The following PDZD2 variants were observed in gnomAD, a reference collection of about 807,000 sequenced individuals.
PDZD2 encodes PDZ domain containing 2.
In PDZD2, 90 loss-of-function variants were observed where a neutral mutation model predicts 220.7. The ratio of observed to expected loss-of-function variants is 0.41; its 90% CI spans 0.34 to 0.49. The LOEUF (loss-of-function observed/expected upper bound fraction) is 0.49. Among genes scored for constraint, PDZD2 ranks in the 20% least tolerant of loss-of-function variants. The pLI, the probability that PDZD2 is intolerant of heterozygous loss-of-function variation, is 0.28. For missense variants in PDZD2, 3,174 were observed against 3,608.5 expected, an observed-to-expected ratio of 0.88 and a Z score of 3.08; for synonymous variants, 1,375 against 1,450.5, an observed-to-expected ratio of 0.95 and a Z score of 1.18.
intron 2 of PDZD2, among the ~76,000 whole-genome samples, chr5:31,904,785 T>C (rs1177444595): frequency 6.6e-6 from 1 of 151,910 alleles, no homozygotes; most frequent in Non-Finnish European, 1.5e-5. Flanking sequence ...TGGTGAATAT[T>C]ATTGGAAAGG....
intron 2 of PDZD2, among the ~76,000 whole-genome samples, chr5:31,886,709 T>TC (rs1740521888): frequency 6.6e-6 from 1 of 151,578 alleles, no homozygotes; most frequent in Admixed American, 6.6e-5. Flanking sequence ...TCTCTTTTTT[T>TC]TTTTTTGAGA....
chr5:31,815,823 T>A (rs1213933361), intron 2 of PDZD2, among the ~76,000 whole-genome samples: 3 of 151,812 alleles, frequency 2.0e-5, no homozygotes, highest in African/African-American at 4.8e-5. Flanking sequence ...GTAAATAAAT[T>A]TTTTTTTTAA....
intron 19 of PDZD2, among the ~76,000 whole-genome samples, chr5:32,085,904 A>G (rs1318665719): frequency 6.6e-6 from 1 of 150,712 alleles, no homozygotes; most frequent in East Asian, 1.9e-4. Flanking sequence ...TTTTGGTAGG[A>G]ATTGTACCGA....
intron 1 of PDZD2, among the ~76,000 whole-genome samples, chr5:31,769,521 G>A (rs1158269441): frequency 1.3e-5 from 2 of 152,192 alleles, no homozygotes; most frequent in African/African-American, 4.8e-5. Context: ...TAAAAATAGT[G>A]GAGGAAAGTC....
intron 2 of PDZD2, among the ~76,000 whole-genome samples, chr5:31,885,386 T>C (rs1740368643): frequency 6.6e-6 from 1 of 152,168 alleles, no homozygotes; most frequent in South Asian, 2.1e-4. Flanking sequence ...ACAGGTATTT[T>C]GTCATCTGTT....
intron 2 of PDZD2, among the ~76,000 whole-genome samples, chr5:31,849,859 C>CATATATATATACATATAT (rs1400896246): frequency 1.1e-5 from 1 of 91,462 alleles, no homozygotes; most frequent in Non-Finnish European, 1.9e-5. Context: ...CTCTCTCTCT[C>CATATATATATACATATAT]ATATATATAT....
Position 32,074,932 on chromosome 5 carries a change from T to C in PDZD2, c.3537+289T>C, listed in dbSNP as rs373162308. Among the ~76,000 whole-genome samples, 18 of 152,074 alleles carry C rather than the reference T, an allele frequency of 1.2e-4. No homozygotes were observed. The East Asian group carries it at 2.1e-3, about 18-fold the overall frequency. Reference sequence around the variant, plus strand: ...TTCAAGCGATTGTCCTGTCTCAGCCTCCCGAGGAGCTGGGACTACAGGCGC... The same window carrying C: ...TTCAAGCGATTGTCCTGTCTCAGCCCCCCGAGGAGCTGGGACTACAGGCGC... On this transcript the variant is annotated intron_variant, in intron 18 of 24. Coordinates refer to ENST00000438447, the MANE Select transcript of PDZD2 (RefSeq NM_178140.4).
chr5:31,816,138 A>C (rs975086740), intron 2 of PDZD2, among the ~76,000 whole-genome samples: 1 of 151,998 alleles, frequency 6.6e-6, no homozygotes, highest in South Asian at 2.1e-4. Context: ...AATACAAAAA[A>C]TTAGCTGGGC....
chr5:31,822,639 C>T, intron 2 of PDZD2: 1 of 1,329,656 alleles, frequency 7.5e-7, no homozygotes, highest in Admixed American at 1.8e-5. Flanking sequence ...TTGTTTTTAA[C>T]CTTGTGGCTT....
intron 1 of PDZD2, among the ~76,000 whole-genome samples, chr5:31,712,825 C>T (rs1355621976): frequency 1.3e-5 from 2 of 152,076 alleles, no homozygotes; most frequent in Admixed American, 6.5e-5. Flanking sequence ...AGCCTGGGGT[C>T]GCGTTAAGGG....
At chr5:32,096,867 ACT>A (rs1340792151) in intron 21 of PDZD2, among the ~76,000 whole-genome samples, 2 of 112,180 alleles carry the variant, frequency 1.8e-5, no homozygotes, top group Non-Finnish European at 3.4e-5. Context: ...ACAAGGTCTC[ACT>A]CTGTCAACCA....
chr5:31,995,462 T>G, intron 3 of PDZD2, 114 bp from the exon 4 acceptor site: 11 of 1,068,724 alleles, frequency 1.0e-5, no homozygotes, highest in Non-Finnish European at 1.3e-5. Flanking sequence ...TGATAATCTG[T>G]GATATCTGTG....
At chr5:31,761,460 A>G (rs566461756) in intron 1 of PDZD2, among the ~76,000 whole-genome samples, 1 of 152,032 alleles carries the variant, frequency 6.6e-6, no homozygotes, top group South Asian at 2.1e-4. Flanking sequence ...AGAAATTTGA[A>G]TAATTAGGAG....
intron 1 of PDZD2, among the ~76,000 whole-genome samples, chr5:31,759,420 G>C (rs1447138867): frequency 2.0e-5 from 3 of 152,102 alleles, no homozygotes; most frequent in African/African-American, 7.2e-5. Flanking sequence ...GTAGTCAGAG[G>C]CCAACATGTG....
Position 32,061,151 on chromosome 5 carries a change from T to G in PDZD2, c.2451+17T>G. On this transcript the variant is annotated intron_variant, in intron 14 of 24. Coordinates refer to ENST00000438447, the MANE Select transcript of PDZD2 (RefSeq NM_178140.4). The stretch of plus-strand genomic sequence containing the variant: ...AATCCAAAGGTGAGGTGGTCCACCC[T>G]CTTCTGAACGTGGGAAGATGATACA... 1.9e-6 allele frequency: 3 copies of G among 1,613,416 alleles called. No individual in the cohort carries two copies. The highest frequency in any genetic ancestry group is 2.5e-6 in the Non-Finnish European group (3 of 1,179,384).
At chr5:31,791,841 G>A (rs934558650) in intron 1 of PDZD2, among the ~76,000 whole-genome samples, 2 of 152,090 alleles carry the variant, frequency 1.3e-5, no homozygotes, top group Admixed American at 1.3e-4. Flanking sequence ...CACATTATAG[G>A]TTCTGTTACT....
At chr5:31,777,271 A>T (rs954958243) in intron 1 of PDZD2, among the ~76,000 whole-genome samples, 2 of 152,154 alleles carry the variant, frequency 1.3e-5, no homozygotes, top group African/African-American at 4.8e-5. Flanking sequence ...AGGGGGCGCC[A>T]GGTCCCCCAG....
At position 32,069,646 on chromosome 5, in the gene PDZD2, C is replaced by T. The variant is rs200656393; in HGVS notation, c.2529C>T (p.Gly843=). The T allele has an allele frequency of 1.4e-6, 2 of 1,467,602 alleles. No individual in the cohort carries two copies. The highest frequency in any genetic ancestry group is 1.4e-5 in the African/African-American group (1 of 72,220). 90.9% of individuals were successfully genotyped at this position (1,467,602 alleles called of 1,614,324 possible). Residue 843 remains glycine, a synonymous_variant, in exon 15 of 25, where the codon GGC becomes GGT. Coordinates refer to ENST00000438447, the MANE Select transcript of PDZD2 (RefSeq NM_178140.4). ...GCAAAGAGGCCAATTCCTCTCCTGGCTTAGGTACTGTAATCTCACATTTTC... is the reference window on the plus strand; with the variant it reads ...GCAAAGAGGCCAATTCCTCTCCTGGTTTAGGTACTGTAATCTCACATTTTC... ...QESKEANSSP[G]LGTPLKSPSL... is the part of the protein sequence containing the mutation.
rs71300157 is a variant in PDZD2 at position 31,926,526 on chromosome 5, GAAA to G, written c.477-56612_477-56610del. Among the ~76,000 whole-genome samples, 195 of 84,000 alleles carry G rather than the reference GAAA, an allele frequency of 2.3e-3. 1 individual carries two copies. Among genetic ancestry groups the G allele is most frequent in the Non-Finnish European group, 3.6e-3 (154 of 43,030 alleles). The allele number at this position is 84,000 out of a possible 152,430, so 55.1% of individuals were successfully genotyped here. On this transcript the variant is annotated intron_variant, in intron 2 of 24. Coordinates refer to ENST00000438447, the MANE Select transcript of PDZD2 (RefSeq NM_178140.4). Reference sequence around the variant, plus strand: ...GGGCAACAAGGTAGAAACTGCATCTGAAAAAAAAAAAAAAAAAAAGAAAATTAA... The same window carrying G: ...GGGCAACAAGGTAGAAACTGCATCTGAAAAAAAAAAAAAAAAGAAAATTAA...
Sources: gnomAD v4.1 joint callset for allele counts (sites outside exome capture counted in the v4.1 genomes callset) on GRCh38, gnomAD v4.1.1 for gene constraint, MANE v1.5 for transcripts, NCBI Gene and HGNC (gene_info 2026-07-23, HGNC 2026-07-21) for gene names.